TRIM35: variants seen among roughly 807,000 people sequenced by gnomAD.
The protein encoded by TRIM35 is E3 ubiquitin-protein ligase TRIM35.
A neutral mutation model predicts 49.1 loss-of-function variants in TRIM35; 37 were observed. The ratio of observed to expected loss-of-function variants is 0.75; its 90% CI spans 0.58 to 0.99. TRIM35 has a LOEUF of 0.99. TRIM35 is among the 50% of genes least tolerant of loss of function. The pLI is 0.00. For synonymous variants in TRIM35, 302 were observed against 289.3 expected (o/e 1.04, Z -0.45); for missense variants, 648 against 702.7 (o/e 0.92, Z 0.88).
chr8:27,305,639 T>C (rs912966341), intron 1 of TRIM35, among the ~76,000 whole-genome samples: 1 of 152,170 alleles, frequency 6.6e-6, no homozygotes, highest in African/African-American at 2.4e-5. Context: ...CTCTAAGATG[T>C]TGACGCCAGA....
In TRIM35 at chr8:27,286,206, T is replaced by C. The variant is rs530276761; in HGVS notation, c.*1344A>G. The C allele has an allele frequency of 2.2e-6, 1 of 454,808 alleles. No homozygotes were observed. The highest frequency in any genetic ancestry group is 4.4e-6 in the Non-Finnish European group (1 of 226,452). The allele number at this position is 454,808 out of a possible 1,614,324, so 28.2% of individuals were successfully genotyped here. A position where few individuals can be genotyped will look rare whatever the true frequency, so the allele number is the denominator to read the frequency against. ...ACATGATGAGCTGAAGATTAAAAAC[T>C]CTTCAGAGATGTGCGAGAAAAAACA... is the stretch of plus-strand genomic sequence containing the variant. On this transcript the variant is annotated 3_prime_UTR_variant, in exon 6 of 6. Transcript: ENST00000305364.
In TRIM35 at chr8:27,285,221, T is replaced by G. The variant is rs780923488; in HGVS notation, c.*2329A>C. 6.6e-6 allele frequency: 1 copy of G among 152,200 alleles called. No individual in the cohort carries two copies. The highest frequency in any genetic ancestry group is 1.5e-5 in the Non-Finnish European group (1 of 68,044). 9.4% of individuals were successfully genotyped at this position (152,200 alleles called of 1,614,324 possible). On this transcript the variant is annotated 3_prime_UTR_variant, in exon 6 of 6. Coordinates refer to ENST00000305364, the MANE Select transcript of TRIM35 (RefSeq NM_171982.5). ...TTAAAAGATAGATAATAAAAAGCAC[T>G]GAGGGATGTGGAGTCATCAGAACCC...
At chr8:27,304,659 T>C (rs944489809) in intron 1 of TRIM35, 3 of 356,128 alleles carry the variant, frequency 8.4e-6, no homozygotes, top group Middle Eastern at 4.7e-4. Flanking sequence ...AGACTTTGTT[T>C]TGTCCCCTGC....
intron 2 of TRIM35, among the ~76,000 whole-genome samples, chr8:27,297,985 T>G (rs1802603797): frequency 6.6e-6 from 1 of 151,996 alleles, no homozygotes; most frequent in Non-Finnish European, 1.5e-5. Flanking sequence ...GAAAGGAGAA[T>G]GCACAAGAAT....
In TRIM35 at chr8:27,287,637, G is replaced by A. The variant is rs746607492; in HGVS notation, c.1395C>T (p.Tyr465=). The A allele has an allele frequency of 1.2e-6, 2 of 1,609,416 alleles. No homozygotes were observed. Among genetic ancestry groups the A allele is most frequent in the South Asian group, 1.1e-5 (1 of 90,072 alleles). The change falls in exon 6 of 6, where the codon TAC becomes TAT. Residue 465 remains tyrosine (Y), a synonymous_variant. Transcript: ENST00000305364. The surrounding 1 kb of genome is among the most constrained non-coding windows in gnomAD (Gnocchi z 6.0). ...GCCCGGCGCCCCGTGCACCCCCCAG[G>A]TAGAAGTAGGGGCGAACCTCCCCAA... is the stretch of plus-strand genomic sequence containing the variant. ...ARFGEVRPYF[Y]LGGARGAGPP...
chr8:27,288,388 G>A (rs535663385), intron 5 of TRIM35, among the ~76,000 whole-genome samples: 4 of 152,262 alleles, frequency 2.6e-5, no homozygotes, highest in South Asian at 2.1e-4. Context: ...ATGAAGACTG[G>A]AGGAGGGTCC....
Position 27,311,244 on chromosome 8 carries a change from C to G in TRIM35, c.-9G>C. 1 of 1,509,094 alleles carries G rather than the reference C, an allele frequency of 6.6e-7. No individual in the cohort carries two copies. Among genetic ancestry groups the G allele is most frequent in the East Asian group, 2.3e-5 (1 of 42,586 alleles). 93.5% of individuals were successfully genotyped at this position (1,509,094 alleles called of 1,614,324 possible). ...TCGGGACTCCGCTCCATGGCACGAG[C>G]AGCCGGCTCGGGCGCCCGGAACTTT... is the stretch of plus-strand genomic sequence containing the variant. On this transcript the variant is annotated 5_prime_UTR_variant, in exon 1 of 6. Transcript: ENST00000305364.
intron 3 of TRIM35, among the ~76,000 whole-genome samples, chr8:27,293,506 GA>G (rs1053877318): frequency 2.6e-5 from 4 of 151,522 alleles, no homozygotes; most frequent in South Asian, 2.1e-4. Flanking sequence ...GTAGAGACCG[GA>G]AAAAAAATGA....
At chr8:27,310,655 T>G in intron 1 of TRIM35, 146 bp downstream of exon 1, 2 of 921,610 alleles carry the variant, frequency 2.2e-6, no homozygotes, top group South Asian at 1.8e-5. Context: ...CCTGAGAACC[T>G]GGGTCGGAGA....
chr8:27,307,089 T>G (rs538863805), intron 1 of TRIM35, among the ~76,000 whole-genome samples: 1 of 152,320 alleles, frequency 6.6e-6, no homozygotes, highest in East Asian at 1.9e-4. Context: ...TGTTCAAGTT[T>G]GAGAAACGCC....
intron 3 of TRIM35, 136 bp downstream of exon 3, chr8:27,293,944 T>C (rs991418291): frequency 5.5e-6 from 4 of 731,390 alleles, no homozygotes; most frequent in Non-Finnish European, 8.9e-6. Flanking sequence ...GCAGAGCAGG[T>C]TACTTGTGAG....
chr8:27,295,730 C>T (rs556030260), intron 2 of TRIM35, among the ~76,000 whole-genome samples: 64 of 152,182 alleles, frequency 4.2e-4, no homozygotes, highest in African/African-American at 1.4e-3. Context: ...ATATTGCTTT[C>T]GTACCACAGT....
In TRIM35 at chr8:27,287,390, A is replaced by G; in HGVS notation, c.*160T>C. 1 of 786,466 alleles carries G rather than the reference A, an allele frequency of 1.3e-6. No individual in the cohort carries two copies. The highest frequency in any genetic ancestry group is 2.0e-6 in the Non-Finnish European group (1 of 505,662). 48.7% of individuals were successfully genotyped at this position (786,466 alleles called of 1,614,324 possible). On this transcript the variant is annotated 3_prime_UTR_variant, in exon 6 of 6. Transcript: ENST00000305364. This position sits in a 1 kb window ranked among gnomAD's most constrained non-coding sequence, Gnocchi z 6.0. ...GGCACAGAAGGGACCAAACATGGAG[A>G]GAGGCACAGCCTGGAGTCATGGAAA...
intron 2 of TRIM35, 92 bp from the exon 3 acceptor site, chr8:27,294,402 G>A: frequency 8.1e-7 from 1 of 1,228,764 alleles, no homozygotes; most frequent in Non-Finnish European, 1.1e-6. Context: ...GGAAATTTAT[G>A]TTCAAATAAA....
At chr8:27,310,694 CGCGG>C in intron 1 of TRIM35, 103 bp downstream of exon 1, 1 of 1,292,506 alleles carries the variant, frequency 7.7e-7, no homozygotes, top group South Asian at 1.5e-5. Flanking sequence ...GGGAGCGAGA[CGCGG>C]GCACACTGGG....
intron 2 of TRIM35, among the ~76,000 whole-genome samples, 186 bp downstream of exon 2, chr8:27,298,278 A>T (rs750554548): frequency 5.9e-5 from 9 of 152,180 alleles, no homozygotes; most frequent in Non-Finnish European, 8.8e-5. Context: ...GGGTCTTTAG[A>T]GGGGCCAAGG....
At chr8:27,300,221 C>A (rs1045229619) in intron 1 of TRIM35, among the ~76,000 whole-genome samples, 2 of 152,218 alleles carry the variant, frequency 1.3e-5, no homozygotes, top group African/African-American at 4.8e-5. Flanking sequence ...AAGGATCCTG[C>A]CCTAGCTGAG....
Position 27,311,215 on chromosome 8 carries a change from C to A in TRIM35, c.21G>T (p.Val7=). 1 of 1,570,756 alleles carries A rather than the reference C, an allele frequency of 6.4e-7. No individual in the cohort carries two copies. The highest frequency in any genetic ancestry group is 8.7e-7 in the Non-Finnish European group (1 of 1,154,816). ...TGAAGGAGCGGGAAGGCCCGGGGGACACGTCGGGACTCCGCTCCATGGCAC... is the reference window on the plus strand; with the variant it reads ...TGAAGGAGCGGGAAGGCCCGGGGGAAACGTCGGGACTCCGCTCCATGGCAC... MERSPD[V]SPGPSRSFKE... is the part of the protein sequence containing the mutation. The change falls in exon 1 of 6, where the codon GTG becomes GTT. Residue 7 remains valine (V), a synonymous_variant. Transcript: ENST00000305364.
intron 1 of TRIM35, among the ~76,000 whole-genome samples, chr8:27,310,481 G>A (rs563998217): frequency 1.5e-4 from 23 of 152,380 alleles, no homozygotes; most frequent in Middle Eastern, 3.4e-3. Context: ...GCCGCTTAAA[G>A]GGACCTGGGC....
Sources: allele counts gnomAD v4.1 joint callset (sites outside exome capture counted in the v4.1 genomes callset), GRCh38; gene constraint gnomAD v4.1.1; non-coding constraint Gnocchi (gnomAD v3.1); transcripts MANE v1.5; gene names NCBI Gene and HGNC (gene_info 2026-07-23, HGNC 2026-07-21).